Variants in PCSK5 observed in about 807,000 individuals in gnomAD.
PCSK5 encodes the protein prohormone convertase 5.
A neutral mutation model predicts 233.2 loss-of-function variants in PCSK5; 129 were observed. The observed-to-expected ratio is 0.55, with a 90% confidence interval of 0.48 to 0.64. PCSK5 has a LOEUF of 0.64. PCSK5 is among the 30% of genes least tolerant of loss of function. PCSK5 has a pLI of 0.00. For missense variants in PCSK5, 2,076 were observed against 2,430.1 expected (o/e 0.85, Z 3.06); for synonymous variants, 825 against 879.2 (o/e 0.94, Z 1.09).
intron 7 of PCSK5, among the ~76,000 whole-genome samples, chr9:76,080,012 A>C (rs1018317418): frequency 7.9e-5 from 12 of 152,166 alleles, no homozygotes; most frequent in African/African-American, 1.7e-4. Context: ...CAACTTGATC[A>C]TGGTATATTA....
chr9:76,229,016 G>C (rs1408817318), intron 21 of PCSK5, among the ~76,000 whole-genome samples: 3 of 152,132 alleles, frequency 2.0e-5, no homozygotes, highest in Admixed American at 6.5e-5. Flanking sequence ...AGAAAGGAAA[G>C]AATGAATAAG....
At chr9:76,293,416 A>G (rs957399778) in intron 25 of PCSK5, among the ~76,000 whole-genome samples, 2 of 152,086 alleles carry the variant, frequency 1.3e-5, no homozygotes, top group African/African-American at 4.8e-5. Context: ...GTCTCACATC[A>G]CTGCACTCCT....
Position 75,984,567 on chromosome 9 carries a change from A to C in PCSK5, c.298-1565A>C, listed in dbSNP as rs79817194. Among the ~76,000 whole-genome samples, 489 of 152,348 alleles carry C rather than the reference A, an allele frequency of 3.2e-3. 4 individuals carry two copies. Among genetic ancestry groups the C allele is most frequent in the African/African-American group, 0.011 (459 of 41,588 alleles). On this transcript the variant is annotated intron_variant, in intron 2 of 37. Transcript: ENST00000674117. Reference sequence around the variant, plus strand: ...GTAATATAAGGATTACAAGTTGCATAGTCAAAATCATCATAAATAGTCTAA... The same window carrying C: ...GTAATATAAGGATTACAAGTTGCATCGTCAAAATCATCATAAATAGTCTAA...
chr9:75,979,628 T>C (rs1826186570), intron 2 of PCSK5, among the ~76,000 whole-genome samples: 1 of 152,176 alleles, frequency 6.6e-6, no homozygotes, highest in Admixed American at 6.5e-5. Context: ...GGATGAACTG[T>C]AAACAAAAAT....
At chr9:75,893,658 T>C (rs1825700410) in intron 1 of PCSK5, among the ~76,000 whole-genome samples, 1 of 152,212 alleles carries the variant, frequency 6.6e-6, no homozygotes, top group Non-Finnish European at 1.5e-5. Flanking sequence ...CAACCTCTGC[T>C]TGACTATTTA....
intron 2 of PCSK5, among the ~76,000 whole-genome samples, chr9:75,947,497 TA>T (rs895034173): frequency 3.6e-4 from 52 of 143,568 alleles, no homozygotes; most frequent in South Asian, 6.6e-4. Context: ...CAAGAAAAAT[TA>T]AAAAAAAAAA....
At chr9:76,329,848 G>C (rs1480709701) in intron 33 of PCSK5, among the ~76,000 whole-genome samples, 1 of 151,978 alleles carries the variant, frequency 6.6e-6, no homozygotes, top group Non-Finnish European at 1.5e-5. Flanking sequence ...AAAAAGAAAA[G>C]AAAGGAAAAA....
At chr9:76,047,342 C>T (rs976455324) in intron 5 of PCSK5, among the ~76,000 whole-genome samples, 2 of 152,110 alleles carry the variant, frequency 1.3e-5, no homozygotes, top group East Asian at 1.9e-4. Context: ...GTGATCCGCG[C>T]GCCTCGGCCT....
At chr9:76,157,741 A>G (rs894797677) in intron 11 of PCSK5, among the ~76,000 whole-genome samples, 1 of 149,338 alleles carries the variant, frequency 6.7e-6, no homozygotes, top group Non-Finnish European at 1.5e-5. Context: ...AACTAGAGAC[A>G]TTGTCATTCT....
chr9:76,296,705 T>C lies in PCSK5; in HGVS notation c.3363T>C (p.Gly1121=). ...CVRKCGPGFY[G]DQEMGECESC... ...GGAAATGTGGTCCTGGATTCTATGGTGACCAAGAAATGGGAGAATGTGAGT... is the reference window on the plus strand; with the variant it reads ...GGAAATGTGGTCCTGGATTCTATGGCGACCAAGAAATGGGAGAATGTGAGT... Residue 1121 remains glycine, a synonymous_variant, in exon 27 of 38, where the codon GGT becomes GGC. Transcript: ENST00000674117. 6.2e-7 allele frequency: 1 copy of C among 1,612,588 alleles called. No individual in the cohort carries two copies. The highest frequency in any genetic ancestry group is 2.2e-5 in the East Asian group (1 of 44,858).
chr9:76,286,994 T>C (rs576312332), intron 24 of PCSK5: 95 of 195,200 alleles, frequency 4.9e-4, no homozygotes, highest in African/African-American at 2.2e-3. Flanking sequence ...ATTGTCCAGA[T>C]CTCTCTAAAT....
intron 5 of PCSK5, 133 bp downstream of exon 5, chr9:76,027,170 TC>T: frequency 1.7e-6 from 1 of 585,444 alleles, no homozygotes; most frequent in South Asian, 2.4e-5. Flanking sequence ...TTAACAAGTG[TC>T]TTTCCACTGA....
At chr9:76,190,790 T>C (rs1177825465) in intron 20 of PCSK5, among the ~76,000 whole-genome samples, 3 of 152,184 alleles carry the variant, frequency 2.0e-5, no homozygotes, top group African/African-American at 4.8e-5. Context: ...TTTCAAAATG[T>C]TGGTCTGTTC....
At position 76,026,981 on chromosome 9, in the gene PCSK5, C is replaced by T. The variant is rs761843960; in HGVS notation, c.576C>T (p.Asp192=). The T allele has an allele frequency of 1.4e-5, 23 of 1,608,848 alleles. No homozygotes were observed. The highest frequency in any genetic ancestry group is 1.7e-5 in the Admixed American group (1 of 59,468). ...MQNYDALASC[D]VNGNDLDPMP... is the part of the protein sequence containing the mutation. The stretch of plus-strand genomic sequence containing the variant: ...CATAGGATGCTCTGGCAAGTTGCGA[C>T]GTGAATGGGAATGACTTGGACCCAA... Residue 192 remains aspartate, a synonymous_variant, in exon 5 of 38, where the codon GAC becomes GAT. Transcript: ENST00000674117.
chr9:76,182,528 G>GTT (rs3077111), intron 16 of PCSK5, among the ~76,000 whole-genome samples: 105,808 of 147,576 alleles, frequency 0.72, 38,315 homozygotes, highest in Middle Eastern at 0.85. Context: ...TTGGGGGAGT[G>GTT]TTTTTTTTTT....
In PCSK5 at chr9:76,350,812, A is replaced by C. The variant is rs369441291; in HGVS notation, c.4967-16A>C. 9 of 1,464,048 alleles carry C rather than the reference A, an allele frequency of 6.1e-6. No individual in the cohort carries two copies. The African/African-American group carries it at 1.3e-4, about 20-fold the overall frequency. The allele number at this position is 1,464,048 out of a possible 1,614,324, so 90.7% of individuals were successfully genotyped here. ...TCTAAGGTCAATCTCATAACTTAGA[A>C]TGTTTTCTCTTTCAGGAAAAGGAGC... is the stretch of plus-strand genomic sequence containing the variant. On this transcript the variant is annotated splice_polypyrimidine_tract_variant and intron_variant, in intron 35 of 37. Coordinates refer to ENST00000674117, the MANE Select transcript of PCSK5 (RefSeq NM_001372043.1).
At chr9:76,049,922 A>C (rs562994151) in intron 5 of PCSK5, among the ~76,000 whole-genome samples, 2 of 152,354 alleles carry the variant, frequency 1.3e-5, no homozygotes, top group Non-Finnish European at 2.9e-5. Flanking sequence ...CTTTATTTGA[A>C]TATTTTAATA....
intron 25 of PCSK5, among the ~76,000 whole-genome samples, chr9:76,294,893 C>T (rs1828388636): frequency 6.6e-6 from 1 of 152,106 alleles, no homozygotes; most frequent in African/African-American, 2.4e-5. Flanking sequence ...TGGCTCATGC[C>T]TGTAATTCCA....
At chr9:76,166,945 GA>G (rs1035838537) in intron 12 of PCSK5, among the ~76,000 whole-genome samples, 2 of 152,168 alleles carry the variant, frequency 1.3e-5, no homozygotes, top group Non-Finnish European at 2.9e-5. Flanking sequence ...GGATTCAATG[GA>G]TGTAAGTTAA....
Sources: gnomAD v4.1 joint callset for allele counts (sites outside exome capture counted in the v4.1 genomes callset) on GRCh38, gnomAD v4.1.1 for gene constraint, MANE v1.5 for transcripts, NCBI Gene and HGNC (gene_info 2026-07-23, HGNC 2026-07-21) for gene names.